ZFR2: variants seen among roughly 807,000 people sequenced by gnomAD.
The protein encoded by ZFR2 is zinc finger RNA-binding protein 2.
A neutral mutation model predicts 105.7 loss-of-function variants in ZFR2; 104 were observed. The ratio of observed to expected loss-of-function variants is 0.98; its 90% CI spans 0.84 to 1.16. ZFR2 has a LOEUF of 1.16. ZFR2 is among the 50% of genes most tolerant of loss of function. ZFR2 has a pLI of 0.00. For synonymous variants in ZFR2, 634 were observed against 597.7 expected, an observed-to-expected ratio of 1.06 and a Z score of -0.89; for missense variants, 1,425 against 1,355.5, an observed-to-expected ratio of 1.05 and a Z score of -0.80.
rs1055715288 is a variant in ZFR2, at chr19:3,820,096, G to A, written c.1740+86C>T. On this transcript the variant is annotated intron_variant, in intron 11 of 18. Coordinates refer to ENST00000262961, the MANE Select transcript of ZFR2 (RefSeq NM_015174.2). ...CCTGAGTACTATGTGGGAGTTGGGG[G>A]GAGGCCGGGTCCTCCCGAGGAGGTG... is the stretch of plus-strand genomic sequence containing the variant. 3 of 1,340,400 alleles carry A rather than the reference G, an allele frequency of 2.2e-6. No individual in the cohort carries two copies. In the African/African-American group the frequency reaches 4.3e-5, roughly 19 times the overall value. 83.0% of individuals were successfully genotyped at this position (1,340,400 alleles called of 1,614,324 possible). A position where few individuals can be genotyped will look rare whatever the true frequency, so the allele number is the denominator to read the frequency against.
intron 1 of ZFR2, among the ~76,000 whole-genome samples, chr19:3,852,860 C>G (rs1338724571): frequency 6.6e-6 from 1 of 151,244 alleles, no homozygotes; most frequent in African/African-American, 2.4e-5. Context: ...CTGAGGACAT[C>G]TGTGGTTGTC....
At chr19:3,842,653 T>C (rs191992001) in intron 1 of ZFR2, among the ~76,000 whole-genome samples, 2 of 151,906 alleles carry the variant, frequency 1.3e-5, no homozygotes, top group Non-Finnish European at 2.9e-5. Context: ...GACGGAGTTT[T>C]GCTCTTGTGG....
chr19:3,848,400 G>A (rs541672553), intron 1 of ZFR2, among the ~76,000 whole-genome samples: 9 of 151,482 alleles, frequency 5.9e-5, no homozygotes, highest in South Asian at 4.2e-4. Context: ...CAATAAGAGC[G>A]AAACTCCATC....
chr19:3,826,729 C>T (rs569882980), intron 6 of ZFR2, among the ~76,000 whole-genome samples: 6 of 151,972 alleles, frequency 3.9e-5, no homozygotes, highest in African/African-American at 7.2e-5. Flanking sequence ...TGAGGCACCA[C>T]GCCCGGCCTG....
intron 13 of ZFR2, among the ~76,000 whole-genome samples, chr19:3,816,457 G>A (rs1020420066): frequency 1.3e-5 from 2 of 151,882 alleles, no homozygotes; most frequent in African/African-American, 4.8e-5. Context: ...TGTTGGCCAG[G>A]CTGGTTTCAA....
chr19:3,853,234 C>T (rs190561107), intron 1 of ZFR2, among the ~76,000 whole-genome samples: 81 of 152,178 alleles, frequency 5.3e-4, no homozygotes, highest in Non-Finnish European at 8.7e-4. Context: ...GTCTCAGATG[C>T]GACAGGGAGA....
intron 2 of ZFR2, among the ~76,000 whole-genome samples, 151 bp from the exon 3 acceptor site, chr19:3,833,929 G>T (rs577219515): frequency 6.6e-6 from 1 of 152,112 alleles, no homozygotes; most frequent in Non-Finnish European, 1.5e-5. Flanking sequence ...GCCCTGGCCC[G>T]GAGGCAGGGG....
intron 1 of ZFR2, among the ~76,000 whole-genome samples, chr19:3,851,346 A>C (rs7256835): frequency 0.15 from 22,887 of 152,174 alleles, 2,084 homozygotes; most frequent in East Asian, 0.27. Flanking sequence ...GCCAAGAGTA[A>C]TATGTGTTTG....
Position 3,831,706 on chromosome 19 carries a change from G to C in ZFR2, c.552C>G (p.Thr184=). The change falls in exon 4 of 19, where the codon ACC becomes ACG. Residue 184 remains threonine, a synonymous_variant. Coordinates refer to ENST00000262961, the MANE Select transcript of ZFR2 (RefSeq NM_015174.2). The stretch of plus-strand genomic sequence containing the variant: ...GGTTGTAGGAGGGCGGGGGGTAGGA[G>C]GTCACGATGGAAGCTGACGACTCGG... ...VQPESSASIV[T]SYPPPSYNPT... is the part of the protein sequence containing the mutation. 6.3e-7 allele frequency: 1 copy of C among 1,589,126 alleles called. No homozygotes were observed. The highest frequency in any genetic ancestry group is 1.7e-5 in the Admixed American group (1 of 57,698).
intron 5 of ZFR2, 140 bp from the exon 6 acceptor site, chr19:3,827,793 C>A (rs2037969126): frequency 5.6e-6 from 5 of 890,798 alleles, no homozygotes; most frequent in Non-Finnish European, 8.4e-6. Flanking sequence ...TTCCCTGGTG[C>A]CATGGAGGTT....
rs1233764981 is a variant in ZFR2 at position 3,834,222 on chromosome 19, T to G, written c.265-444A>C. On this transcript the variant is annotated intron_variant, in intron 2 of 18. Transcript: ENST00000262961. This position sits in a 1 kb window ranked among gnomAD's most constrained non-coding sequence, Gnocchi z 5.3. ...GGTGCGGGTGGCAGAGCTGGGAAAT[T>G]GGAGCATGGTCACGGGGGACATCTT... Among the ~76,000 whole-genome samples, 2 of 151,922 alleles carry G rather than the reference T, an allele frequency of 1.3e-5. No individual in the cohort carries two copies. Among genetic ancestry groups the G allele is most frequent in the African/African-American group, 4.8e-5 (2 of 41,342 alleles).
At position 3,837,823 on chromosome 19, in the gene ZFR2, CGAT is replaced by C. The variant is rs565820171; in HGVS notation, c.54-2843_54-2841del. ...CTCAAACACCATGACTATGGACACT[CGAT>C]GAACACCATGACTGTGACACTCAAT... On this transcript the variant is annotated intron_variant, in intron 1 of 18. Coordinates refer to ENST00000262961, the MANE Select transcript of ZFR2 (RefSeq NM_015174.2). 4.7e-4 allele frequency among the ~76,000 whole-genome samples: 71 copies of C among 152,012 alleles called. No homozygotes were observed. In the South Asian group the frequency reaches 4.8e-3, roughly 10 times the overall value.
chr19:3,814,640 T>C (rs1259662208), intron 13 of ZFR2, among the ~76,000 whole-genome samples: 1 of 152,214 alleles, frequency 6.6e-6, no homozygotes, highest in African/African-American at 2.4e-5. Flanking sequence ...TGGGGCTCAG[T>C]TATTGTCTTT....
intron 9 of ZFR2, 46 bp downstream of exon 9, chr19:3,822,035 C>A (rs747759820): frequency 6.4e-7 from 1 of 1,550,634 alleles, no homozygotes; most frequent in Non-Finnish European, 8.7e-7. Flanking sequence ...CCGCCGGGCC[C>A]TAGCACAGCC....
chr19:3,817,115 G>A (rs542017204), intron 12 of ZFR2, among the ~76,000 whole-genome samples: 1 of 152,288 alleles, frequency 6.6e-6, no homozygotes, highest in East Asian at 1.9e-4. Flanking sequence ...TTCCTTGTGA[G>A]CAAACGCTAA....
rs1344585526 is a variant in ZFR2, at chr19:3,816,768, C to T, written c.2009G>A (p.Gly670Glu). 1.9e-6 allele frequency: 3 copies of T among 1,610,566 alleles called. No individual in the cohort carries two copies. Among genetic ancestry groups the T allele is most frequent in the Non-Finnish European group, 2.5e-6 (3 of 1,179,086 alleles). ...GILAKGLLLR[G>E]DRNVRLALLC... ...CAGAGCGAGGCGCACGTTCCTGTCC[C>T]CACGCAGGAGGAGGCCTTTCGCCAG... Residue 670 changes from glycine to glutamate, a missense_variant, in exon 13 of 19, where the codon GGG (glycine) becomes GAG (glutamate). By Grantham distance (98) the Gly-to-Glu change is moderately conservative (BLOSUM62 -2). Transcript: ENST00000262961.
chr19:3,821,029 C>T (rs1330486197), intron 10 of ZFR2, among the ~76,000 whole-genome samples: 3 of 149,420 alleles, frequency 2.0e-5, no homozygotes, highest in East Asian at 2.0e-4. Context: ...CACCGGGGGT[C>T]GGGGGACACA....
chr19:3,845,201 C>A (rs1313262340), intron 1 of ZFR2, among the ~76,000 whole-genome samples: 1 of 152,168 alleles, frequency 6.6e-6, no homozygotes, highest in Non-Finnish European at 1.5e-5. Context: ...CTGCATTGGG[C>A]TAAATTGATT....
intron 1 of ZFR2, among the ~76,000 whole-genome samples, chr19:3,848,054 G>A (rs1456976953): frequency 1.3e-5 from 2 of 152,222 alleles, no homozygotes; most frequent in Non-Finnish European, 2.9e-5. Context: ...CAGGGGCAGG[G>A]AAATCCAAGT....
Sources: allele counts gnomAD v4.1 joint callset (sites outside exome capture counted in the v4.1 genomes callset), GRCh38; gene constraint gnomAD v4.1.1; non-coding constraint Gnocchi (gnomAD v3.1); transcripts MANE v1.5; gene names NCBI Gene and HGNC (gene_info 2026-07-23, HGNC 2026-07-21).